The following TRDN variants were observed in gnomAD, a reference collection of about 807,000 sequenced individuals.
TRDN encodes the protein triadin, also known as triadin in skeletal muscle.
In TRDN, 161 loss-of-function variants were observed where a neutral mutation model predicts 149.7. That is an observed-to-expected ratio of 1.08 (90% confidence interval 0.95 to 1.23). The LOEUF is 1.23. TRDN is among the 50% of genes most tolerant of loss of function. The pLI is 0.00. For missense variants in TRDN, 896 were observed against 823.5 expected (o/e 1.09, Z -1.08); for synonymous variants, 294 against 250.5 (o/e 1.17, Z -1.64).
intron 2 of TRDN, among the ~76,000 whole-genome samples, chr6:123,554,099 T>C (rs555139330): frequency 7.2e-5 from 11 of 152,278 alleles, no homozygotes; most frequent in East Asian, 3.9e-4. Flanking sequence ...ACTGTTTTCA[T>C]TGGAACTCAT....
chr6:123,280,360 C>T (rs1055279953), intron 24 of TRDN, among the ~76,000 whole-genome samples: 1 of 152,100 alleles, frequency 6.6e-6, no homozygotes, highest in African/African-American at 2.4e-5. Context: ...AGTTCAATAG[C>T]GTCAATCTTC....
chr6:123,423,865 A>G (rs994286822), intron 12 of TRDN, among the ~76,000 whole-genome samples: 1 of 152,168 alleles, frequency 6.6e-6, no homozygotes, highest in Non-Finnish European at 1.5e-5. Flanking sequence ...ATAAAAATAA[A>G]TCATCTTCCT....
intron 7 of TRDN, among the ~76,000 whole-genome samples, chr6:123,511,162 G>T (rs956779949): frequency 6.6e-6 from 1 of 152,114 alleles, no homozygotes; most frequent in Admixed American, 6.6e-5. Flanking sequence ...TTTGTATATG[G>T]TGAGAGATAG....
intron 10 of TRDN, among the ~76,000 whole-genome samples, chr6:123,446,263 C>T (rs1407769688): frequency 1.3e-5 from 2 of 151,876 alleles, no homozygotes; most frequent in African/African-American, 2.4e-5. Context: ...GGAGGGATAG[C>T]ATTGGGAGAT....
In TRDN at chr6:123,530,547, G is replaced by A. The variant is rs970179891; in HGVS notation, c.443C>T (p.Thr148Ile). ...LRKKEIHKDK[T>I]EKQEKPERKI... is the part of the protein sequence containing the mutation. ...CCTTTCAGGTTTCTCTTGTTTTTCA[G>A]TCTTATCTTTGTGTATTTCTAAGAA... Residue 148 changes from threonine to isoleucine, a missense_variant, in exon 5 of 41, where the codon ACT becomes ATT. Thr to Ile is a moderately conservative substitution (Grantham distance 89). Transcript: ENST00000334268. 1.6e-6 allele frequency: 2 copies of A among 1,255,212 alleles called. No individual in the cohort carries two copies. The highest frequency in any genetic ancestry group is 2.4e-4 in the Middle Eastern group (1 of 4,250). 77.8% of individuals were successfully genotyped at this position (1,255,212 alleles called of 1,614,324 possible). A position where few individuals can be genotyped will look rare whatever the true frequency, so the allele number is the denominator to read the frequency against.
At chr6:123,427,171 G>T (rs1411613696) in intron 12 of TRDN, among the ~76,000 whole-genome samples, 8 of 151,658 alleles carry the variant, frequency 5.3e-5, no homozygotes, top group African/African-American at 1.9e-4. Context: ...TCACAGTGAT[G>T]TTTTTTGCTG....
At chr6:123,614,288 TA>T (rs1216969453) in intron 1 of TRDN, among the ~76,000 whole-genome samples, 5,743 of 59,252 alleles carry the variant, frequency 0.097, 502 homozygotes, top group African/African-American at 0.32. Flanking sequence ...AGTGCTTCAT[TA>T]AAAAAAAAAA....
intron 32 of TRDN, 67 bp downstream of exon 32, chr6:123,267,640 T>C: frequency 8.5e-7 from 1 of 1,174,520 alleles, no homozygotes; most frequent in South Asian, 1.6e-5. Flanking sequence ...TATGCATTAC[T>C]TTAATTTTTG....
At chr6:123,304,548 G>C (rs748785917) in intron 24 of TRDN, among the ~76,000 whole-genome samples, 2 of 151,872 alleles carry the variant, frequency 1.3e-5, no homozygotes, top group African/African-American at 4.8e-5. Flanking sequence ...CACTGCGCCC[G>C]GCTTAATTTT....
intron 38 of TRDN, among the ~76,000 whole-genome samples, chr6:123,229,098 C>T (rs939403398): frequency 7.9e-5 from 12 of 151,974 alleles, no homozygotes; most frequent in African/African-American, 2.4e-4. Flanking sequence ...GTTCATTCTT[C>T]GCTTACATAG....
intron 2 of TRDN, among the ~76,000 whole-genome samples, chr6:123,553,972 C>A (rs941208622): frequency 6.6e-6 from 1 of 152,150 alleles, no homozygotes; most frequent in Non-Finnish European, 1.5e-5. Context: ...ATTTTCATGA[C>A]CATTTACCTC....
intron 12 of TRDN, among the ~76,000 whole-genome samples, chr6:123,398,172 T>C (rs1215717939): frequency 2.0e-5 from 3 of 152,138 alleles, no homozygotes; most frequent in Non-Finnish European, 4.4e-5. Context: ...GCCCAGCTAA[T>C]TTTTTTCTAT....
chr6:123,499,719 A>AAAAAAAAAAAAAATATATATAT, intron 8 of TRDN, among the ~76,000 whole-genome samples: 2 of 47,674 alleles, frequency 4.2e-5, no homozygotes, highest in African/African-American at 7.1e-5. Flanking sequence ...AAAAAAAAAA[A>AAAAAAAAAAAAAATATATATAT]ATATATATAT....
At chr6:123,233,181 G>A (rs1343025679) in intron 38 of TRDN, among the ~76,000 whole-genome samples, 1 of 152,012 alleles carries the variant, frequency 6.6e-6, no homozygotes, top group Non-Finnish European at 1.5e-5. Flanking sequence ...CTTTCTAAGA[G>A]TTCACATTTT....
chr6:123,405,398 G>A (rs986481208), intron 12 of TRDN, among the ~76,000 whole-genome samples: 11 of 152,178 alleles, frequency 7.2e-5, no homozygotes, highest in African/African-American at 2.4e-4. Flanking sequence ...TCTCAAGATG[G>A]TCTGAATTCC....
chr6:123,636,154 C>A (rs1329393277), intron 1 of TRDN, among the ~76,000 whole-genome samples: 2 of 151,764 alleles, frequency 1.3e-5, no homozygotes, highest in Non-Finnish European at 2.9e-5. Flanking sequence ...CAGTCTTTAT[C>A]TCTGAATTTC....
chr6:123,587,265 G>C (rs1255209379), intron 1 of TRDN, among the ~76,000 whole-genome samples: 1 of 152,160 alleles, frequency 6.6e-6, no homozygotes, highest in African/African-American at 2.4e-5. Flanking sequence ...TAAACACCAA[G>C]GGAAGGCTGC....
At position 123,525,479 on chromosome 6, in the gene TRDN, CACTT is replaced by C. The variant is rs923937157; in HGVS notation, c.484+5023_484+5026del. Among the ~76,000 whole-genome samples the C allele has an allele frequency of 5.3e-5, 8 of 152,042 alleles. No individual in the cohort carries two copies. The East Asian group carries it at 1.5e-3, about 29-fold the overall frequency. Reference sequence around the variant, plus strand: ...TAGAAAATCAAATATTGCATGTTCTCACTTACAATTGCTACACATAGACATAAAG... The same window carrying C: ...TAGAAAATCAAATATTGCATGTTCTCACAATTGCTACACATAGACATAAAG... On this transcript the variant is annotated intron_variant, in intron 5 of 40. Transcript: ENST00000334268.
chr6:123,635,434 T>G (rs556227200), intron 1 of TRDN, among the ~76,000 whole-genome samples: 12 of 151,916 alleles, frequency 7.9e-5, no homozygotes, highest in African/African-American at 2.9e-4. Flanking sequence ...TACAGTTCCT[T>G]TTTCTGCCAA....
Sources: allele counts gnomAD v4.1 joint callset (sites outside exome capture counted in the v4.1 genomes callset), GRCh38; gene constraint gnomAD v4.1.1; transcripts MANE v1.5; gene names NCBI Gene and HGNC (gene_info 2026-07-23, HGNC 2026-07-21).